The following EIF3B variants were observed in gnomAD, a reference collection of about 807,000 sequenced individuals.
The protein encoded by EIF3B is eukaryotic translation initiation factor 3 subunit 9.
Under a neutral mutation model 104.6 loss-of-function variants are expected in EIF3B, and 10 were observed. The ratio of observed to expected loss-of-function variants is 0.10; its 90% CI spans 0.06 to 0.16. The LOEUF (loss-of-function observed/expected upper bound fraction) is 0.16. Ranked by LOEUF, EIF3B falls within the 10% of genes least tolerant of loss-of-function variation. EIF3B has a pLI of 1.00. For synonymous variants in EIF3B, 542 were observed against 417.2 expected, an observed-to-expected ratio of 1.30 and a Z score of -3.65; for missense variants, 1,014 against 1,087.9, an observed-to-expected ratio of 0.93 and a Z score of 0.96.
chr7:2,371,759 C>A lies in EIF3B; in HGVS notation c.1615-18C>A. ...TCACTGTCCAGAATGTCACCCCTTC[C>A]CCCTTTTTTTTAAACAGGGTGTTGT... On this transcript the variant is annotated intron_variant, in intron 10 of 18. Transcript: ENST00000360876. 6.3e-7 allele frequency: 1 copy of A among 1,587,640 alleles called. No homozygotes were observed. Among genetic ancestry groups the A allele is most frequent in the Non-Finnish European group, 8.7e-7 (1 of 1,155,972 alleles).
rs760763167 is a variant in EIF3B at position 2,366,468 on chromosome 7, G to C, written c.1289+20G>C. ...TTTTAAGTAAGTGGACCATTGTAAC[G>C]AGCTCTGTAGCCTTTGTCTTTTCAT... On this transcript the variant is annotated intron_variant, in intron 7 of 18. Coordinates refer to ENST00000360876, the MANE Select transcript of EIF3B (RefSeq NM_001037283.2). 1.9e-6 allele frequency: 3 copies of C among 1,613,992 alleles called. No homozygotes were observed. Among genetic ancestry groups the C allele is most frequent in the African/African-American group, 1.3e-5 (1 of 75,004 alleles).
intron 2 of EIF3B, among the ~76,000 whole-genome samples, chr7:2,361,401 A>G (rs1270977842): frequency 6.6e-6 from 1 of 152,168 alleles, no homozygotes; most frequent in Non-Finnish European, 1.5e-5. Flanking sequence ...GTTATAATGA[A>G]ACATTCTCTG....
At chr7:2,371,969 C>T in intron 11 of EIF3B, 120 bp downstream of exon 11, 1 of 759,096 alleles carries the variant, frequency 1.3e-6, no homozygotes, top group Non-Finnish European at 2.3e-6. Flanking sequence ...GAGCCCTCAC[C>T]ATGAATAGTC....
intron 13 of EIF3B, 166 bp downstream of exon 13, chr7:2,374,772 G>A (rs1479897209): frequency 8.4e-6 from 5 of 593,922 alleles, no homozygotes; most frequent in Admixed American, 3.0e-5. Context: ...GCAGACCCAC[G>A]GTACTCCAGG....
intron 4 of EIF3B, among the ~76,000 whole-genome samples, 156 bp downstream of exon 4, chr7:2,363,283 G>A (rs933036062): frequency 1.3e-5 from 2 of 151,812 alleles, no homozygotes; most frequent in South Asian, 4.2e-4. Context: ...TGAGACCCCC[G>A]CCTCTACAAA....
Position 2,354,945 on chromosome 7 carries a change from G to A in EIF3B, c.24G>A (p.Ala8=), listed in dbSNP as rs1262484314. Residue 8 remains alanine, a synonymous_variant, in exon 1 of 19, where the codon GCG becomes GCA. Coordinates refer to ENST00000360876, the MANE Select transcript of EIF3B (RefSeq NM_001037283.2). Reference sequence around the variant, plus strand: ...CCATGCAGGACGCGGAGAACGTGGCGGTGCCCGAGGCGGCCGAGGAGCGCG... The same window carrying A: ...CCATGCAGGACGCGGAGAACGTGGCAGTGCCCGAGGCGGCCGAGGAGCGCG... MQDAENV[A]VPEAAEERAE... The A allele has an allele frequency of 3.7e-5, 45 of 1,227,344 alleles. No homozygotes were observed. The highest frequency in any genetic ancestry group is 3.3e-4 in the Middle Eastern group (1 of 3,002). 76.0% of individuals were successfully genotyped at this position (1,227,344 alleles called of 1,614,324 possible). A position where few individuals can be genotyped will look rare whatever the true frequency, so the allele number is the denominator to read the frequency against.
chr7:2,375,238 ACAGCGGC>A (rs1441902150), intron 13 of EIF3B, 144 bp from the exon 14 acceptor site: 1 of 865,054 alleles, frequency 1.2e-6, no homozygotes, highest in Non-Finnish European at 1.9e-6. Context: ...GGTAAGTCTC[ACAGCGGC>A]CACCAGAGGC....
intron 16 of EIF3B, 105 bp from the exon 17 acceptor site, chr7:2,379,029 C>T: frequency 1.1e-6 from 1 of 931,956 alleles, no homozygotes; most frequent in Non-Finnish European, 1.7e-6. Flanking sequence ...TGCTTGAGTG[C>T]CTCTGTATGC....
chr7:2,378,368 A>G, intron 15 of EIF3B: 1 of 291,498 alleles, frequency 3.4e-6, no homozygotes, highest in Non-Finnish European at 6.2e-6. Flanking sequence ...AGGAAGGAAC[A>G]GGCGAGCGCT....
At chr7:2,354,449 G>A (rs1303154780), upstream of EIF3B, 1 of 152,132 alleles carries the variant, frequency 6.6e-6, no homozygotes, top group Non-Finnish European at 1.5e-5. Context: ...ACTCTTCCAG[G>A]GTATTAACTG....
intron 4 of EIF3B, 87 bp from the exon 5 acceptor site, chr7:2,363,545 A>T: frequency 8.1e-7 from 1 of 1,239,786 alleles, no homozygotes; most frequent in Non-Finnish European, 1.1e-6. Context: ...TGTGGACTGA[A>T]CTTGTCATAT....
Position 2,355,433 on chromosome 7 carries a change from G to A in EIF3B, c.499+13G>A, listed in dbSNP as rs943567768. On this transcript the variant is annotated intron_variant, in intron 1 of 18. Transcript: ENST00000360876. ...GTGAGCGAGGAAGGTGAGGGCGCCC[G>A]GGGCGGGGCTGGCGAGCGGCGCGGG... 7 of 1,427,608 alleles carry A rather than the reference G, an allele frequency of 4.9e-6. No homozygotes were observed. Among genetic ancestry groups the A allele is most frequent in the African/African-American group, 1.5e-5 (1 of 67,412 alleles). 88.4% of individuals were successfully genotyped at this position (1,427,608 alleles called of 1,614,324 possible).
chr7:2,378,929 A>C (rs1780840482), intron 16 of EIF3B, 163 bp downstream of exon 16: 1 of 771,440 alleles, frequency 1.3e-6, no homozygotes, highest in East Asian at 2.7e-5. Flanking sequence ...TGGGGTTGGC[A>C]CGGGGACTTG....
chr7:2,369,526 C>G lies in EIF3B; in HGVS notation c.1458C>G (p.Asp486Glu), dbSNP rs1302074598. The change falls in exon 10 of 19, where the codon GAC (aspartate) becomes GAG (glutamate). Residue 486 changes from aspartate to glutamate, a missense_variant. Transcript: ENST00000360876. ...GNIIAFWVPEDKDIPARVTLM... is the reference protein window; with the variant it reads ...GNIIAFWVPEEKDIPARVTLM... ...TAATCGCCTTCTGGGTGCCTGAAGA[C>G]AAAGATATTCCAGCCAGGGTAACCC... is the stretch of plus-strand genomic sequence containing the variant. 1 of 1,614,066 alleles carries G rather than the reference C, an allele frequency of 6.2e-7. No individual in the cohort carries two copies. The highest frequency in any genetic ancestry group is 1.3e-5 in the African/African-American group (1 of 74,924).
At chr7:2,378,583 T>C (rs1780819428) in intron 15 of EIF3B, 106 bp from the exon 16 acceptor site, 1 of 962,258 alleles carries the variant, frequency 1.0e-6, no homozygotes, top group South Asian at 1.5e-5. Context: ...GGAAGCTGTG[T>C]TCTGTGAATG....
At chr7:2,372,816 C>T in intron 12 of EIF3B, 21 bp downstream of exon 12, 12 of 1,611,646 alleles carry the variant, frequency 7.4e-6, no homozygotes, top group Middle Eastern at 1.7e-4. Flanking sequence ...TGGTCCCTTT[C>T]CTCTTCTGAG....
rs186090814 is a variant in EIF3B, at chr7:2,371,527, C to G, written c.1615-250C>G. Among the ~76,000 whole-genome samples the G allele has an allele frequency of 3.1e-3, 474 of 152,304 alleles. 3 individuals are homozygous for G. The highest frequency in any genetic ancestry group is 0.01 in the African/African-American group (431 of 41,572). On this transcript the variant is annotated intron_variant, in intron 10 of 18. Coordinates refer to ENST00000360876, the MANE Select transcript of EIF3B (RefSeq NM_001037283.2). ...CCAAGTGTGGCGGGCAGGGCGGCTCCTGGAGGTGGGATCTGGGTCAGAGTT... is the reference window on the plus strand; with the variant it reads ...CCAAGTGTGGCGGGCAGGGCGGCTCGTGGAGGTGGGATCTGGGTCAGAGTT...
intron 5 of EIF3B, among the ~76,000 whole-genome samples, 169 bp downstream of exon 5, chr7:2,363,929 TC>T (rs1170186001): frequency 6.6e-6 from 1 of 152,210 alleles, no homozygotes; most frequent in Non-Finnish European, 1.5e-5. Flanking sequence ...TTGAAGTAAA[TC>T]CTGAGAAGTG....
rs113700122 is a variant in EIF3B, at chr7:2,357,991, A to G, written c.499+2571A>G. ...TCCATAGCAGGGTGTCCGGCACTGC[A>G]GTGACTGGCAACTGCCTTTTTCCCT... On this transcript the variant is annotated intron_variant, in intron 1 of 18. Transcript: ENST00000360876. Among the ~76,000 whole-genome samples the G allele has an allele frequency of 9.4e-3, 1,343 of 142,686 alleles. 17 individuals carry two copies. The highest frequency in any genetic ancestry group is 0.028 in the African/African-American group (1,091 of 39,082). The allele number at this position is 142,686 out of a possible 152,430, so 93.6% of individuals were successfully genotyped here. A position where few individuals can be genotyped will look rare whatever the true frequency, so the allele number is the denominator to read the frequency against.
Sources: gnomAD v4.1 joint callset for allele counts (sites outside exome capture counted in the v4.1 genomes callset) on GRCh38, gnomAD v4.1.1 for gene constraint, MANE v1.5 for transcripts, NCBI Gene and HGNC (gene_info 2026-07-23, HGNC 2026-07-21) for gene names.